Variants in LILRA2 observed in about 807,000 individuals in gnomAD.
The protein encoded by LILRA2 is leukocyte immunoglobulin like receptor A2.
LILRA2 carries 45 observed loss-of-function variants against 47.9 expected under a neutral mutation model. The ratio of observed to expected loss-of-function variants is 0.94; its 90% CI spans 0.74 to 1.20. LILRA2 has a LOEUF of 1.20. LILRA2 is among the 50% of genes most tolerant of loss of function. The pLI, the probability that LILRA2 is intolerant of heterozygous loss-of-function variation, is 0.00. For missense variants in LILRA2, 651 were observed against 598.2 expected, an observed-to-expected ratio of 1.09 and a Z score of -0.92; for synonymous variants, 279 against 249.2, an observed-to-expected ratio of 1.12 and a Z score of -1.13.
Position 54,574,225 on chromosome 19 carries a change from G to A in LILRA2, c.71-76G>A, listed in dbSNP as rs894039319. The A allele has an allele frequency of 5.6e-6, 9 of 1,613,988 alleles. No individual in the cohort carries two copies. The South Asian group carries it at 9.9e-5, about 18-fold the overall frequency. The stretch of plus-strand genomic sequence containing the variant: ...TCTGGGCTGACTGATGGGGGTGTCT[G>A]GAGGGTCCTGCAGCTGAGAGCTGAG... On this transcript the variant is annotated intron_variant, in intron 2 of 7. Coordinates refer to ENST00000391738, the MANE Select transcript of LILRA2 (RefSeq NM_001130917.3).
upstream of LILRA2, chr19:54,573,200 A>G (rs1259387477): frequency 2.4e-6 from 1 of 411,020 alleles, no homozygotes; most frequent in Admixed American, 3.5e-5. Flanking sequence ...GCCCAGGGTA[A>G]TCTGAAGCTC....
Position 54,578,610 on chromosome 19 carries a change from T to C in LILRA2, c.1255+2501T>C. On this transcript the variant is annotated intron_variant, in intron 6 of 7. Coordinates refer to ENST00000391738, the MANE Select transcript of LILRA2 (RefSeq NM_001130917.3). The stretch of plus-strand genomic sequence containing the variant: ...GTGTGCATGTGTCTTTGTCGTAGAA[T>C]GGTTTATAACCCTTTGGGTATATGC... Among the ~76,000 whole-genome samples, 2 of 152,232 alleles carry C rather than the reference T, an allele frequency of 1.3e-5. 1 individual carries two copies. The highest frequency in any genetic ancestry group is 3.8e-4 in the East Asian group (2 of 5,202).
chr19:54,574,173 G>C (rs143128018), intron 2 of LILRA2, 62 bp downstream of exon 2: 8 of 1,614,230 alleles, frequency 5.0e-6, no homozygotes, highest in Non-Finnish European at 6.8e-6. Flanking sequence ...GGCCACCCCC[G>C]TGCAGCTGGG....
chr19:54,587,409 C>T lies in LILRA2; in HGVS notation c.*63C>T. ...GCCTCAGGGACAGATCTGATGATCC[C>T]AGGAGGCTCTGGAGGACAATCTAGG... On this transcript the variant is annotated 3_prime_UTR_variant, in exon 8 of 8. Coordinates refer to ENST00000391738, the MANE Select transcript of LILRA2 (RefSeq NM_001130917.3). The T allele has an allele frequency of 6.2e-7, 1 of 1,608,550 alleles. No homozygotes were observed. Among genetic ancestry groups the T allele is most frequent in the Non-Finnish European group, 8.5e-7 (1 of 1,176,780 alleles).
rs112786507 is a variant in LILRA2 at position 54,584,238 on chromosome 19, T to C, written c.1256-2772T>C. ...TTCATTTCAACCTTGGTGAATCTGA[T>C]AATTATGTGTCTTTGGGTTGCTCTT... On this transcript the variant is annotated intron_variant, in intron 6 of 7. Transcript: ENST00000391738. Among the ~76,000 whole-genome samples the C allele has an allele frequency of 2.3e-4, 35 of 152,278 alleles. 1 individual carries two copies. In the South Asian group the frequency reaches 6.7e-3, roughly 29 times the overall value.
Position 54,575,963 on chromosome 19 carries a change from A to C in LILRA2, c.1109A>C (p.Glu370Ala). The C allele has an allele frequency of 6.2e-7, 1 of 1,613,956 alleles. No individual in the cohort carries two copies. Among genetic ancestry groups the C allele is most frequent in the Non-Finnish European group, 8.5e-7 (1 of 1,179,948 alleles). The change falls in exon 6 of 8, where the codon GAG (glutamate) becomes GCG (alanine). Residue 370 changes from glutamate (E) to alanine (A), a missense_variant. By Grantham distance (107) the Glu-to-Ala change is moderately radical. Transcript: ENST00000391738. ...AGHPPLHLRS[E>A]HQAQQNQAEF... ...CATCCCCCACTGCATCTGAGATCAG[A>C]GCACCAAGCTCAGCAGAACCAGGCT... is the stretch of plus-strand genomic sequence containing the variant.
upstream of LILRA2, chr19:54,573,682 C>A (rs1721772807): frequency 2.3e-6 from 3 of 1,310,678 alleles, no homozygotes; most frequent in South Asian, 1.4e-5. Context: ...GGGCCTGGTG[C>A]CTGCCCCCAC....
rs775694135 is a variant in LILRA2, at chr19:54,575,396, C to G, written c.796C>G (p.Arg266Gly). Residue 266 changes from arginine to glycine, a missense_variant, in exon 5 of 8, where the codon CGC (arginine) becomes GGC (glycine). Coordinates refer to ENST00000391738, the MANE Select transcript of LILRA2 (RefSeq NM_001130917.3). Reference sequence around the variant, plus strand: ...GGAGGGAGAACGTGACTTCCTCCAGCGCCCTGGTTGGCAGCCCCAGGCTGG... The same window carrying G: ...GGAGGGAGAACGTGACTTCCTCCAGGGCCCTGGTTGGCAGCCCCAGGCTGG... Reference protein sequence around the residue: ...YKEGERDFLQRPGWQPQAGLS... With the variant: ...YKEGERDFLQGPGWQPQAGLS... 2 of 1,613,992 alleles carry G rather than the reference C, an allele frequency of 1.2e-6. No individual in the cohort carries two copies. The highest frequency in any genetic ancestry group is 1.7e-6 in the Non-Finnish European group (2 of 1,180,006).
chr19:54,575,460 C>T lies in LILRA2; in HGVS notation c.860C>T (p.Pro287Leu), dbSNP rs560494676. 3.1e-6 allele frequency: 5 copies of T among 1,613,608 alleles called. No homozygotes were observed. The highest frequency in any genetic ancestry group is 2.2e-5 in the East Asian group (1 of 44,886). The change falls in exon 5 of 8, where the codon CCC becomes CTC. Residue 287 changes from proline (P) to leucine (L), a missense_variant. Pro to Leu is a moderately conservative substitution (Grantham distance 98). Coordinates refer to ENST00000391738, the MANE Select transcript of LILRA2 (RefSeq NM_001130917.3). ...QANFTLGPVS[P>L]SHGGQYRCYS... ...AACTTCACCCTGGGCCCTGTGAGCC[C>T]CTCCCACGGGGGCCAGTACAGATGC...
rs2241524 is a variant in LILRA2, at chr19:54,587,200, G to A, written c.1307-1G>A. 41,800 of 1,613,466 alleles carry A rather than the reference G, an allele frequency of 0.026. 3,515 individuals carry two copies. The East Asian group carries it at 0.3, about 12-fold the overall frequency. On this transcript the variant is annotated splice_acceptor_variant, in intron 7 of 7. Coordinates refer to ENST00000391738, the MANE Select transcript of LILRA2 (RefSeq NM_001130917.3). LOFTEE classifies it high-confidence loss of function. ...CTGACCTCTGTGACCTCTTTGTCCA[G>A]CATCCCTAGGCCAACACCCCCAGGA...
Position 54,574,182 on chromosome 19 carries a change from G to A in LILRA2, c.70+71G>A, listed in dbSNP as rs529613446. Reference sequence around the variant, plus strand: ...ACAAGGGGCCACCCCCGTGCAGCTGGGGATGGGGAATAGCAGTTCTGGGCT... The same window carrying A: ...ACAAGGGGCCACCCCCGTGCAGCTGAGGATGGGGAATAGCAGTTCTGGGCT... On this transcript the variant is annotated intron_variant, in intron 2 of 7. Transcript: ENST00000391738. 2.5e-5 allele frequency: 40 copies of A among 1,614,262 alleles called. No homozygotes were observed. The South Asian group carries it at 4.3e-4, about 17-fold the overall frequency.
intron 6 of LILRA2, among the ~76,000 whole-genome samples, chr19:54,585,924 G>A (rs141263298): frequency 3.3e-5 from 5 of 152,138 alleles, no homozygotes; most frequent in Non-Finnish European, 1.5e-5. Flanking sequence ...TTTTTTTAAA[G>A]AAGGATAGGT....
chr19:54,573,686 C>CT, upstream of LILRA2: 1 of 1,349,010 alleles, frequency 7.4e-7, no homozygotes, highest in Non-Finnish European at 1.0e-6. Context: ...CTGGTGCCTG[C>CT]CCCCACCTCA....
intron 6 of LILRA2, among the ~76,000 whole-genome samples, chr19:54,582,988 A>G (rs1190600742): frequency 6.6e-6 from 1 of 152,138 alleles, no homozygotes; most frequent in African/African-American, 2.4e-5. Flanking sequence ...CTTTGTTCTC[A>G]TTGGTTCCAA....
chr19:54,577,517 C>G, intron 6 of LILRA2: 1 of 1,288,522 alleles, frequency 7.8e-7, no homozygotes, highest in South Asian at 1.2e-5. Flanking sequence ...TGGGCCATCT[C>G]AAGACAAGAG....
At position 54,574,114 on chromosome 19, in the gene LILRA2, G is replaced by C; in HGVS notation, c.70+3G>C. The C allele has an allele frequency of 6.2e-7, 1 of 1,614,266 alleles. No individual in the cohort carries two copies. Among genetic ancestry groups the C allele is most frequent in the Non-Finnish European group, 8.5e-7 (1 of 1,180,042 alleles). ...CCCCAGGACCCACGTGCAGGCAGGTGAGTCTGTTCCCAGCTGTCCCAGGTC... is the reference window on the plus strand; with the variant it reads ...CCCCAGGACCCACGTGCAGGCAGGTCAGTCTGTTCCCAGCTGTCCCAGGTC... On this transcript the variant is annotated splice_donor_region_variant and intron_variant, in intron 2 of 7. Coordinates refer to ENST00000391738, the MANE Select transcript of LILRA2 (RefSeq NM_001130917.3).
At position 54,574,800 on chromosome 19, in the gene LILRA2, T is replaced by C. The variant is rs2062324243; in HGVS notation, c.422T>C (p.Leu141Pro). Residue 141 changes from leucine to proline, a missense_variant, in exon 4 of 8, where the codon CTC (leucine) becomes CCC (proline). Leu to Pro is a moderately conservative substitution (Grantham distance 98). Transcript: ENST00000391738. ...PVVTSGGNVTLQCVSQVAFDG... is the reference protein window; with the variant it reads ...PVVTSGGNVTPQCVSQVAFDG... ...GTGACCTCAGGAGGGAACGTGACCC[T>C]CCAGTGTGTCTCACAGGTGGCATTT... 1.9e-6 allele frequency: 3 copies of C among 1,614,260 alleles called. No homozygotes were observed. Among genetic ancestry groups the C allele is most frequent in the Non-Finnish European group, 2.5e-6 (3 of 1,180,022 alleles).
intron 6 of LILRA2, among the ~76,000 whole-genome samples, chr19:54,581,992 T>A (rs1400770242): frequency 6.6e-6 from 1 of 152,242 alleles, no homozygotes; most frequent in African/African-American, 2.4e-5. Flanking sequence ...GAAGGGCTGT[T>A]GAATTTTGTC....
At chr19:54,577,668 T>C in intron 6 of LILRA2, 1 of 1,288,828 alleles carries the variant, frequency 7.8e-7, no homozygotes, top group Non-Finnish European at 1.0e-6. Flanking sequence ...GCCTCTGTGC[T>C]CAGGGCATCC....
Sources: gnomAD v4.1 joint callset for allele counts (sites outside exome capture counted in the v4.1 genomes callset) on GRCh38, gnomAD v4.1.1 for gene constraint, MANE v1.5 for transcripts, NCBI Gene and HGNC (gene_info 2026-07-23, HGNC 2026-07-21) for gene names.